The following FKBP5 variants were observed in gnomAD, a reference collection of about 807,000 sequenced individuals.
The protein encoded by FKBP5 is FKBP prolyl isomerase 5.
FKBP5 carries 23 observed loss-of-function variants against 50.5 expected under a neutral mutation model. The observed-to-expected ratio is 0.46, with a 90% CI of 0.33 to 0.65. The LOEUF is 0.65. Among genes scored for constraint, FKBP5 ranks in the 30% least tolerant of loss-of-function variants. The pLI is 0.02. For synonymous variants in FKBP5, 176 were observed against 190.6 expected, an observed-to-expected ratio of 0.92 and a Z score of 0.63; for missense variants, 411 against 553.1, an observed-to-expected ratio of 0.74 and a Z score of 2.58.
Position 35,583,202 on chromosome 6 carries a change from CT to C in FKBP5, c.841-2982del, listed in dbSNP as rs1421360812. 4.1e-6 allele frequency: 4 copies of C among 985,304 alleles called. No individual in the cohort carries two copies. The African/African-American group carries it at 5.2e-5, about 13-fold the overall frequency. The allele number at this position is 985,304 out of a possible 1,614,324, so 61.0% of individuals were successfully genotyped here. ...GAGATAGGAAGGACAGGCATTTCCC[CT>C]GTCATGCCTCATTTCTTCATCCTCT... is the stretch of plus-strand genomic sequence containing the variant. On this transcript the variant is annotated intron_variant, in intron 8 of 10. Transcript: ENST00000357266.
Position 35,700,230 on chromosome 6 carries a change from G to A in FKBP5, c.-20+20098C>T, listed in dbSNP as rs144589719. Among the ~76,000 whole-genome samples, 1,066 of 151,908 alleles carry A rather than the reference G, an allele frequency of 7.0e-3. 11 individuals are homozygous for A. Among genetic ancestry groups the A allele is most frequent in the African/African-American group, 0.022 (920 of 41,418 alleles). ...GGCTGGAGTACAGTGGTGCAATCTCGGCTCACTGCAATCTTTGCCTCCTGG... is the reference window on the plus strand; with the variant it reads ...GGCTGGAGTACAGTGGTGCAATCTCAGCTCACTGCAATCTTTGCCTCCTGG... On this transcript the variant is annotated intron_variant, in intron 2 of 11. Transcript: ENST00000536438.
Position 35,707,413 on chromosome 6 carries a change from G to A in FKBP5, c.-20+12915C>T, listed in dbSNP as rs577969988. 8.9e-3 allele frequency among the ~76,000 whole-genome samples: 1,348 copies of A among 151,314 alleles called. 10 individuals carry two copies. Among genetic ancestry groups the A allele is most frequent in the African/African-American group, 0.026 (1,090 of 41,196 alleles). On this transcript the variant is annotated intron_variant, in intron 2 of 11. Coordinates refer to the FKBP5 transcript ENST00000536438. ...TTTTTTTTGTATTTTTAGTAGAGAC[G>A]GGGTTTCTCCATGATGGGGCTGGTC...
chr6:35,676,055 G>A (rs971957712), intron 1 of FKBP5, among the ~76,000 whole-genome samples: 3 of 152,040 alleles, frequency 2.0e-5, no homozygotes, highest in African/African-American at 7.3e-5. Context: ...ATGAAATATG[G>A]GTAATGAAGG....
At chr6:35,600,204 T>C (rs1763101313) in intron 5 of FKBP5, among the ~76,000 whole-genome samples, 1 of 152,178 alleles carries the variant, frequency 6.6e-6, no homozygotes. Flanking sequence ...ATGCAGCATA[T>C]GACTGTACAT....
At chr6:35,582,970 C>T in intron 8 of FKBP5, 1 of 830,424 alleles carries the variant, frequency 1.2e-6, no homozygotes, top group African/African-American at 1.8e-5. Context: ...GCCTATAGTC[C>T]CAGCACTTTG....
chr6:35,644,623 A>G (rs991750124), intron 1 of FKBP5, among the ~76,000 whole-genome samples: 3 of 152,190 alleles, frequency 2.0e-5, no homozygotes, highest in African/African-American at 7.2e-5. Context: ...AGGATAAGCG[A>G]AAGGCCAGAA....
At chr6:35,667,578 CAAAT>C (rs1765267174) in intron 1 of FKBP5, among the ~76,000 whole-genome samples, 1 of 152,122 alleles carries the variant, frequency 6.6e-6, no homozygotes, top group Non-Finnish European at 1.5e-5. Flanking sequence ...TTCAAATAAA[CAAAT>C]AAGAAGTAAC....
chr6:35,650,123 T>C (rs1054374479), intron 1 of FKBP5, among the ~76,000 whole-genome samples: 2 of 152,024 alleles, frequency 1.3e-5, no homozygotes, highest in African/African-American at 4.8e-5. Context: ...CTTTGGGATG[T>C]CAAGGCTTGA....
chr6:35,619,018 T>A, intron 5 of FKBP5, 78 bp downstream of exon 5: 1 of 842,582 alleles, frequency 1.2e-6, no homozygotes. Context: ...TCTACAAACA[T>A]TTTTTTTTAA....
At chr6:35,587,940 A>T (rs918133363) in intron 7 of FKBP5, among the ~76,000 whole-genome samples, 1 of 152,168 alleles carries the variant, frequency 6.6e-6, no homozygotes, top group East Asian at 1.9e-4. Flanking sequence ...TAAATGGGTA[A>T]CTAAAATTCT....
At chr6:35,615,936 T>G (rs1324998776) in intron 5 of FKBP5, among the ~76,000 whole-genome samples, 1 of 152,156 alleles carries the variant, frequency 6.6e-6, no homozygotes, top group Non-Finnish European at 1.5e-5. Flanking sequence ...AGTGGTATTT[T>G]CAAAAAATGC....
intron 2 of FKBP5, among the ~76,000 whole-genome samples, chr6:35,700,013 C>A (rs1198882874): frequency 6.6e-6 from 1 of 151,962 alleles, no homozygotes; most frequent in Non-Finnish European, 1.5e-5. Context: ...CGCCACTGCA[C>A]TCCAGTCTGG....
At chr6:35,651,579 C>T (rs1764799972) in intron 1 of FKBP5, among the ~76,000 whole-genome samples, 1 of 152,130 alleles carries the variant, frequency 6.6e-6, no homozygotes, top group African/African-American at 2.4e-5. Flanking sequence ...AGTACTGTTG[C>T]AGTTATATAC....
intron 5 of FKBP5, among the ~76,000 whole-genome samples, chr6:35,612,736 T>C (rs1344715332): frequency 1.3e-5 from 2 of 152,200 alleles, no homozygotes; most frequent in Admixed American, 6.5e-5. Flanking sequence ...GCCAGACCCT[T>C]ATAAAACCAT....
chr6:35,703,021 G>A (rs893437270), intron 2 of FKBP5, among the ~76,000 whole-genome samples: 7 of 152,230 alleles, frequency 4.6e-5, no homozygotes, highest in African/African-American at 9.6e-5. Flanking sequence ...AGGCCAAGGC[G>A]GGCAGATCAC....
intron 1 of FKBP5, among the ~76,000 whole-genome samples, chr6:35,653,828 A>G (rs1198829762): frequency 6.6e-6 from 1 of 152,156 alleles, no homozygotes; most frequent in Non-Finnish European, 1.5e-5. Context: ...AAAAATGGCT[A>G]ACTTGAAGAT....
At chr6:35,658,238 G>C (rs1370050339) in intron 1 of FKBP5, among the ~76,000 whole-genome samples, 1 of 152,036 alleles carries the variant, frequency 6.6e-6, no homozygotes, top group African/African-American at 2.4e-5. Flanking sequence ...AACCGGGCGT[G>C]GTGGCGGGCG....
At chr6:35,685,317 G>A (rs1765791675) in intron 1 of FKBP5, among the ~76,000 whole-genome samples, 1 of 152,090 alleles carries the variant, frequency 6.6e-6, no homozygotes, top group African/African-American at 2.4e-5. Context: ...CACTTAAGTG[G>A]TTATTGTTTT....
intron 2 of FKBP5, among the ~76,000 whole-genome samples, chr6:35,716,733 T>G (rs1766519257): frequency 6.6e-6 from 1 of 151,936 alleles, no homozygotes; most frequent in South Asian, 2.1e-4. Flanking sequence ...CATTACCCCC[T>G]GCTTGGCTGG....
Sources: allele counts gnomAD v4.1 joint callset (sites outside exome capture counted in the v4.1 genomes callset), GRCh38; gene constraint gnomAD v4.1.1; transcripts MANE v1.5; gene names NCBI Gene and HGNC (gene_info 2026-07-23, HGNC 2026-07-21).